ABTB3: variants seen among roughly 807,000 people sequenced by gnomAD.
ABTB3 encodes ankyrin repeat and BTB domain containing 3.
chr12:107,633,264 G>T, the ABTB3 span, among the ~76,000 whole-genome samples: 43 of 152,260 alleles, frequency 2.8e-4, no homozygotes, highest in South Asian at 7.9e-3. Context: ...TAGCTAGAAG[G>T]CACCATCTAT....
chr12:107,637,563 C>T, the ABTB3 span, among the ~76,000 whole-genome samples: 5 of 152,114 alleles, frequency 3.3e-5, no homozygotes, highest in Non-Finnish European at 5.9e-5. Context: ...ACAGCAGGTA[C>T]ATTTTGTGTC....
At chr12:107,495,187 A>T in the ABTB3 span, among the ~76,000 whole-genome samples, 2 of 152,156 alleles carry the variant, frequency 1.3e-5, no homozygotes, top group Non-Finnish European at 2.9e-5. Flanking sequence ...TGGAAAAAAG[A>T]CATGACTTGC....
At chr12:107,347,283 C>A in the ABTB3 span, among the ~76,000 whole-genome samples, 1 of 152,128 alleles carries the variant, frequency 6.6e-6, no homozygotes, top group Non-Finnish European at 1.5e-5. Flanking sequence ...AGTTAAATAT[C>A]TTTATATGAG....
the ABTB3 span, among the ~76,000 whole-genome samples, chr12:107,400,327 C>T: frequency 6.6e-6 from 1 of 152,276 alleles, no homozygotes; most frequent in African/African-American, 2.4e-5. Flanking sequence ...TCATGACCAA[C>T]TCAGGTTGCC....
the ABTB3 span, among the ~76,000 whole-genome samples, chr12:107,468,675 A>G: frequency 6.6e-6 from 1 of 152,192 alleles, no homozygotes; most frequent in Non-Finnish European, 1.5e-5. Flanking sequence ...TTGAGCACCT[A>G]CTGTGTGTTA....
the ABTB3 span, among the ~76,000 whole-genome samples, chr12:107,516,618 AAGGTGAAATATTT>A: frequency 1.3e-5 from 2 of 152,168 alleles, no homozygotes; most frequent in African/African-American, 2.4e-5. Context: ...GTTAGATGTG[AAGGTGAAATATTT>A]AGGAGAAAGT....
chr12:107,376,575 C>A, the ABTB3 span, among the ~76,000 whole-genome samples: 1 of 152,096 alleles, frequency 6.6e-6, no homozygotes, highest in Non-Finnish European at 1.5e-5. Context: ...GATTCTCAGG[C>A]CCCTTGCAGC....
At chr12:107,342,047 A>G in the ABTB3 span, among the ~76,000 whole-genome samples, 8 of 152,170 alleles carry the variant, frequency 5.3e-5, no homozygotes, top group Admixed American at 3.9e-4. Flanking sequence ...GGCCAGTCTC[A>G]GGTATTTATT....
At chr12:107,401,801 A>G in the ABTB3 span, among the ~76,000 whole-genome samples, 1 of 152,234 alleles carries the variant, frequency 6.6e-6, no homozygotes, top group Non-Finnish European at 1.5e-5. Context: ...AAATAACATA[A>G]TAAGCAAAAT....
chr12:107,457,082 G>A, the ABTB3 span, among the ~76,000 whole-genome samples: 3 of 152,180 alleles, frequency 2.0e-5, no homozygotes, highest in South Asian at 2.1e-4. Flanking sequence ...GGCTGGTCTC[G>A]AACTCCTGAC....
At chr12:107,349,165 A>G in the ABTB3 span, among the ~76,000 whole-genome samples, 2 of 152,112 alleles carry the variant, frequency 1.3e-5, no homozygotes, top group Non-Finnish European at 2.9e-5. Context: ...AGCTCTGGAG[A>G]GGTAGCTTCT....
chr12:107,482,238 C>A, the ABTB3 span, among the ~76,000 whole-genome samples: 1 of 152,148 alleles, frequency 6.6e-6, no homozygotes, highest in Non-Finnish European at 1.5e-5. Flanking sequence ...GCCTGTTCCT[C>A]CAGCTCTGAC....
chr12:107,349,036 C>A, the ABTB3 span, among the ~76,000 whole-genome samples: 3 of 152,164 alleles, frequency 2.0e-5, no homozygotes, highest in Non-Finnish European at 4.4e-5. Flanking sequence ...ACCTGTAAAC[C>A]TGCCTTGTCA....
the ABTB3 span, among the ~76,000 whole-genome samples, chr12:107,342,154 A>G: frequency 7.9e-5 from 12 of 152,066 alleles, no homozygotes; most frequent in African/African-American, 2.9e-4. Context: ...TTCCTTTCTA[A>G]GCCACTGTGA....
At chr12:107,435,094 A>G in the ABTB3 span, among the ~76,000 whole-genome samples, 2 of 152,160 alleles carry the variant, frequency 1.3e-5, no homozygotes, top group Non-Finnish European at 2.9e-5. Context: ...TTGAAACTGA[A>G]CTGCATCAGT....
At chr12:107,447,902 T>C in the ABTB3 span, among the ~76,000 whole-genome samples, 166 of 152,278 alleles carry the variant, frequency 1.1e-3, 1 homozygote, top group East Asian at 0.017. Flanking sequence ...AGCCCTGCAG[T>C]ATTAGGCCCG....
chr12:107,413,330 G>A, the ABTB3 span, among the ~76,000 whole-genome samples: 1 of 152,082 alleles, frequency 6.6e-6, no homozygotes, highest in African/African-American at 2.4e-5. Flanking sequence ...AATCCATGAC[G>A]ACTAAGATGC....
At chr12:107,569,127 C>T in the ABTB3 span, among the ~76,000 whole-genome samples, 1 of 152,170 alleles carries the variant, frequency 6.6e-6, no homozygotes, top group African/African-American at 2.4e-5. Flanking sequence ...TTCTCAAATC[C>T]ACCACCCAAT....
chr12:107,485,842 C>T, the ABTB3 span, among the ~76,000 whole-genome samples: 17 of 152,184 alleles, frequency 1.1e-4, no homozygotes, highest in African/African-American at 4.1e-4. Flanking sequence ...ATCTATTTTA[C>T]TCTCTTAAAT....
Sources: gnomAD v4.1 joint callset for allele counts (sites outside exome capture counted in the v4.1 genomes callset) on GRCh38, gnomAD v4.1.1 for gene constraint, MANE v1.5 for transcripts, NCBI Gene and HGNC (gene_info 2026-07-23, HGNC 2026-07-21) for gene names.